Variants in NAV3 observed in about 807,000 individuals in gnomAD.
NAV3 encodes pore membrane and/or filament interacting like protein 1.
NAV3 carries 87 observed loss-of-function variants against 244.7 expected under a neutral mutation model. The observed-to-expected ratio is 0.36, with a 90% CI of 0.30 to 0.42. NAV3 has a LOEUF of 0.42. NAV3 is among the 20% of genes least tolerant of loss of function. The pLI is 1.00. For missense variants in NAV3, 2,663 were observed against 2,893.3 expected (o/e 0.92, Z 1.83); for synonymous variants, 1,126 against 1,042.2 (o/e 1.08, Z -1.55).
chr12:77,903,176 G>T (rs1021099821), intron 1 of NAV3, among the ~76,000 whole-genome samples: 1 of 152,084 alleles, frequency 6.6e-6, no homozygotes. Flanking sequence ...AACAGAGCCC[G>T]CATCGCCAAG....
intron 12 of NAV3, among the ~76,000 whole-genome samples, chr12:78,076,332 T>G (rs1379526841): frequency 6.6e-6 from 1 of 152,174 alleles, no homozygotes; most frequent in Non-Finnish European, 1.5e-5. Context: ...CTGTGAACTC[T>G]CCTCAAAACC....
chr12:78,042,658 G>A (rs994789047), intron 9 of NAV3, among the ~76,000 whole-genome samples: 1 of 152,138 alleles, frequency 6.6e-6, no homozygotes, highest in African/African-American at 2.4e-5. Context: ...GGGCATGGTG[G>A]CGAGGGCCTG....
chr12:78,145,508 C>G (rs577610311), intron 20 of NAV3, among the ~76,000 whole-genome samples: 5 of 152,312 alleles, frequency 3.3e-5, no homozygotes, highest in Admixed American at 2.6e-4. Context: ...AATAAGCAGA[C>G]TTGTACTATT....
chr12:77,927,016 T>A (rs1888289815), intron 1 of NAV3, among the ~76,000 whole-genome samples: 1 of 152,214 alleles, frequency 6.6e-6, no homozygotes, highest in South Asian at 2.1e-4. Flanking sequence ...CTTTGGAGGA[T>A]GGTAGCTGAT....
intron 2 of NAV3, among the ~76,000 whole-genome samples, chr12:77,686,916 A>G (rs1223037975): frequency 6.6e-6 from 1 of 152,108 alleles, no homozygotes; most frequent in Non-Finnish European, 1.5e-5. Context: ...TTTTTTAAAA[A>G]AACAAAACAA....
At chr12:77,626,062 C>A (rs550674188) in intron 2 of NAV3, among the ~76,000 whole-genome samples, 7 of 151,936 alleles carry the variant, frequency 4.6e-5, no homozygotes, top group African/African-American at 1.2e-4. Flanking sequence ...AAAAACAACT[C>A]GTGATCTAAA....
At position 77,777,449 on chromosome 12, in the gene NAV3, G is replaced by A. The variant is rs1051239237; in HGVS notation, c.73-162870G>A. On this transcript the variant is annotated intron_variant, in intron 2 of 8. Coordinates refer to the NAV3 transcript ENST00000550042. ...CTACTATTGACCTATCAGGTGTATA[G>A]CATCTACAGTGTGGATACACTGGAC... is the stretch of plus-strand genomic sequence containing the variant. Among the ~76,000 whole-genome samples the A allele has an allele frequency of 4.6e-5, 7 of 152,264 alleles. No individual in the cohort carries two copies. In the East Asian group the frequency reaches 1.4e-3, roughly 29 times the overall value.
rs769759722 is a variant in NAV3 at position 78,006,699 on chromosome 12, A to G, written c.1161A>G (p.Lys387=). ...APSGQKSMLE[K]FKLVNARTAL... Reference sequence around the variant, plus strand: ...CAGGACAGAAATCCATGCTTGAGAAATTCAAGCTAGTCAATGCCCGGACTG... The same window carrying G: ...CAGGACAGAAATCCATGCTTGAGAAGTTCAAGCTAGTCAATGCCCGGACTG... The change falls in exon 8 of 40, where the codon AAA becomes AAG. Residue 387 remains lysine (K), a synonymous_variant. Transcript: ENST00000397909. 7.4e-6 allele frequency: 12 copies of G among 1,613,990 alleles called. No homozygotes were observed. The East Asian group carries it at 2.5e-4, about 33-fold the overall frequency.
chr12:78,063,940 T>C (rs796163689), intron 12 of NAV3, among the ~76,000 whole-genome samples: 8 of 152,306 alleles, frequency 5.3e-5, no homozygotes, highest in African/African-American at 1.9e-4. Context: ...GGAGCTATTT[T>C]ACTAAGTTTA....
chr12:78,169,701 G>C (rs1044980567), intron 24 of NAV3, among the ~76,000 whole-genome samples: 1 of 151,634 alleles, frequency 6.6e-6, no homozygotes, highest in Non-Finnish European at 1.5e-5. Context: ...GACCACTGGA[G>C]TGTAGCTCCT....
At chr12:77,894,039 G>T (rs1267124530) in intron 1 of NAV3, among the ~76,000 whole-genome samples, 5 of 152,088 alleles carry the variant, frequency 3.3e-5, no homozygotes, top group Non-Finnish European at 5.9e-5. Context: ...ACCCTTACCT[G>T]GTTTCCTCTT....
At position 78,199,646 on chromosome 12, in the gene NAV3, A is replaced by T. The variant is rs1959422285; in HGVS notation, c.6715+115A>T. On this transcript the variant is annotated intron_variant, in intron 37 of 39. Transcript: ENST00000397909. ...AAGCTAATGCTTATTCAAGCTTCCA[A>T]AGATTTATTTTTTTCCCTTCTGAAA... 4.1e-6 allele frequency: 3 copies of T among 724,820 alleles called. No individual in the cohort carries two copies. The East Asian group carries it at 9.4e-5, about 23-fold the overall frequency. The allele number at this position is 724,820 out of a possible 1,614,324, so 44.9% of individuals were successfully genotyped here.
intron 2 of NAV3, among the ~76,000 whole-genome samples, chr12:77,589,485 AGGGCT>A (rs879769487): frequency 3.3e-5 from 5 of 152,218 alleles, no homozygotes; most frequent in Non-Finnish European, 7.3e-5. Context: ...ACAATTCAAC[AGGGCT>A]GGGGAGGCCT....
At chr12:78,144,923 A>AAAAAAAAAAAAAAAAAAAAAAAAAAAG in intron 20 of NAV3, 1 of 17,864 alleles carries the variant, frequency 5.6e-5, no homozygotes, top group Admixed American at 7.1e-4. Flanking sequence ...AAAAAAAAAA[A>AAAAAAAAAAAAAAAAAAAAAAAAAAAG]AAAAAAAAAA....
At chr12:77,874,162 A>G (rs191841273) in intron 1 of NAV3, among the ~76,000 whole-genome samples, 21 of 152,132 alleles carry the variant, frequency 1.4e-4, no homozygotes, top group Middle Eastern at 3.4e-3. Flanking sequence ...GTGCCAAAAA[A>G]AGTTGGGGAC....
At chr12:78,024,932 G>A (rs766788439) in intron 9 of NAV3, among the ~76,000 whole-genome samples, 8 of 151,046 alleles carry the variant, frequency 5.3e-5, no homozygotes, top group Non-Finnish European at 1.0e-4. Flanking sequence ...CCGAGATAGC[G>A]CCACTGCACT....
intron 2 of NAV3, among the ~76,000 whole-genome samples, chr12:77,741,305 A>G (rs1459011392): frequency 6.6e-6 from 1 of 152,062 alleles, no homozygotes; most frequent in Admixed American, 6.6e-5. Context: ...ATTCTCATCA[A>G]TTTATCCACT....
At chr12:77,623,186 A>G (rs1449027943) in intron 2 of NAV3, among the ~76,000 whole-genome samples, 1 of 151,674 alleles carries the variant, frequency 6.6e-6, no homozygotes, top group African/African-American at 2.4e-5. Context: ...TTAAAATATA[A>G]TATTTTTCTG....
intron 3 of NAV3, among the ~76,000 whole-genome samples, chr12:77,949,434 A>G (rs1427497815): frequency 1.3e-5 from 2 of 152,080 alleles, no homozygotes; most frequent in East Asian, 3.8e-4. Context: ...TTATTAACAA[A>G]TAAATTTAAC....
Sources: gnomAD v4.1 joint callset for allele counts (sites outside exome capture counted in the v4.1 genomes callset) on GRCh38, gnomAD v4.1.1 for gene constraint, MANE v1.5 for transcripts, NCBI Gene and HGNC (gene_info 2026-07-23, HGNC 2026-07-21) for gene names.